Variants in GUCY2C observed in about 807,000 individuals in gnomAD.
The protein encoded by GUCY2C is guanylate cyclase 2C, also known as guanylyl cyclase C.
A neutral mutation model predicts 131.1 loss-of-function variants in GUCY2C; 118 were observed. The ratio of observed to expected loss-of-function variants is 0.90; its 90% CI spans 0.78 to 1.05. GUCY2C has a LOEUF of 1.05. GUCY2C is among the 50% of genes least tolerant of loss of function. The probability of loss-of-function intolerance (pLI) is 0.00; values close to 1 mark genes in which losing one functional copy is unlikely to be tolerated. For synonymous variants in GUCY2C, 452 were observed against 457.8 expected (o/e 0.99, Z 0.16); for missense variants, 1,161 against 1,304.4 (o/e 0.89, Z 1.69).
chr12:14,645,830 T>C (rs1307829690), intron 15 of GUCY2C, among the ~76,000 whole-genome samples: 1 of 151,234 alleles, frequency 6.6e-6, no homozygotes, highest in African/African-American at 2.4e-5. Flanking sequence ...TTTTCTTTGT[T>C]TTTTTTTGTT....
intron 21 of GUCY2C, among the ~76,000 whole-genome samples, chr12:14,625,536 T>C (rs1159374770): frequency 6.6e-6 from 1 of 152,100 alleles, no homozygotes; most frequent in Non-Finnish European, 1.5e-5. Flanking sequence ...GGTTTCACCA[T>C]GTTAGCCAGG....
intron 1 of GUCY2C, among the ~76,000 whole-genome samples, chr12:14,689,291 T>TG (rs1417878349): frequency 6.6e-6 from 1 of 152,070 alleles, no homozygotes; most frequent in African/African-American, 2.4e-5. Flanking sequence ...CCTGAGCAAG[T>TG]GGGTGAAGGG....
chr12:14,633,181 A>T (rs1240649991), intron 19 of GUCY2C, among the ~76,000 whole-genome samples: 1 of 152,200 alleles, frequency 6.6e-6, no homozygotes, highest in African/African-American at 2.4e-5. Context: ...AGGACAGCTT[A>T]TGCTGGCACC....
At chr12:14,677,028 C>T in intron 6 of GUCY2C, 57 bp from the exon 7 acceptor site, 1 of 542,328 alleles carries the variant, frequency 1.8e-6, no homozygotes, top group South Asian at 3.3e-5. Flanking sequence ...GATGCATCTT[C>T]TATAGTTCAC....
Position 14,643,662 on chromosome 12 carries a change from A to G in GUCY2C, c.1842T>C (p.Arg614=), listed in dbSNP as rs1273175007. Residue 614 remains arginine, a synonymous_variant, in exon 17 of 27, where the codon CGT becomes CGC. Transcript: ENST00000261170. ...LHSSKTEVHG[R]LKSTNCVVDS... ...CCACTACGCAGTTGGTAGATTTCAGACGACCATGGACTTCTGTCTTACTGG... is the reference window on the plus strand; with the variant it reads ...CCACTACGCAGTTGGTAGATTTCAGGCGACCATGGACTTCTGTCTTACTGG... The G allele has an allele frequency of 1.2e-6, 2 of 1,613,174 alleles. No homozygotes were observed. Among genetic ancestry groups the G allele is most frequent in the Non-Finnish European group, 1.7e-6 (2 of 1,179,106 alleles).
chr12:14,643,796 T>TCTGCTGAAA, intron 16 of GUCY2C, 90 bp from the exon 17 acceptor site: 1 of 1,127,110 alleles, frequency 8.9e-7, no homozygotes, highest in Non-Finnish European at 1.3e-6. Context: ...TTGGAAACCA[T>TCTGCTGAAA]TTCAGCAGAT....
intron 24 of GUCY2C, among the ~76,000 whole-genome samples, chr12:14,618,326 A>G (rs900489842): frequency 1.3e-5 from 2 of 150,216 alleles, no homozygotes; most frequent in Non-Finnish European, 1.5e-5. Flanking sequence ...CAGCCTAGAC[A>G]ACATAGAGAG....
rs76829072 is a variant in GUCY2C, at chr12:14,645,154, A to G, written c.1797+75T>C. 0.013 allele frequency: 10,454 copies of G among 801,446 alleles called. 170 individuals carry two copies. The highest frequency in any genetic ancestry group is 0.066 in the African/African-American group (3,863 of 58,308). The allele number at this position is 801,446 out of a possible 1,614,324, so 49.6% of individuals were successfully genotyped here. On this transcript the variant is annotated intron_variant, in intron 16 of 26. Transcript: ENST00000261170. ...TTTACAGATGAAGAAACCAATGCAC[A>G]GAAGGTTGAATAACTTGTTAGATCT...
At position 14,631,203 on chromosome 12, in the gene GUCY2C, T is replaced by C. The variant is rs529821948; in HGVS notation, c.2158-2466A>G. On this transcript the variant is annotated intron_variant, in intron 19 of 26. Transcript: ENST00000261170. ...ACAAGGAACAAAAGATGTTTTTGTT[T>C]AAAGATTATAAATGTCTTTTTTAAA... Among the ~76,000 whole-genome samples the C allele has an allele frequency of 2.0e-5, 3 of 152,340 alleles. No individual in the cohort carries two copies. In the South Asian group the frequency reaches 6.2e-4, roughly 32 times the overall value.
At chr12:14,665,410 A>T (rs944130350) in intron 10 of GUCY2C, among the ~76,000 whole-genome samples, 2 of 152,094 alleles carry the variant, frequency 1.3e-5, no homozygotes, top group African/African-American at 4.8e-5. Flanking sequence ...TGGGGAAGGG[A>T]TAGGTGAGTA....
chr12:14,616,849 C>T (rs2136971441), intron 24 of GUCY2C, 122 bp from the exon 25 acceptor site: 1 of 685,754 alleles, frequency 1.5e-6, no homozygotes, highest in Admixed American at 2.2e-5. Context: ...ACAATTGTGG[C>T]TATTTTAATG....
chr12:14,617,100 C>T (rs1035258359), intron 24 of GUCY2C, among the ~76,000 whole-genome samples: 1 of 152,166 alleles, frequency 6.6e-6, no homozygotes, highest in Non-Finnish European at 1.5e-5. Flanking sequence ...CTTTCTTACT[C>T]CTGCTTTTGC....
rs78999756 is a variant in GUCY2C at position 14,622,596 on chromosome 12, T to C, written c.2409-399A>G. Reference sequence around the variant, plus strand: ...AAGCTGAGGAGAGTGTGGTATTACTTAAATCACCACAGGTATCAGATCTGA... The same window carrying C: ...AAGCTGAGGAGAGTGTGGTATTACTCAAATCACCACAGGTATCAGATCTGA... On this transcript the variant is annotated intron_variant, in intron 21 of 26. Transcript: ENST00000261170. 8.0e-3 allele frequency among the ~76,000 whole-genome samples: 1,217 copies of C among 152,340 alleles called. 17 individuals are homozygous for C. Among genetic ancestry groups the C allele is most frequent in the African/African-American group, 0.027 (1,133 of 41,574 alleles).
chr12:14,647,547 A>T (rs1336829711), intron 15 of GUCY2C, among the ~76,000 whole-genome samples: 1 of 152,172 alleles, frequency 6.6e-6, no homozygotes, highest in Admixed American at 6.6e-5. Flanking sequence ...TTCAGCTTCC[A>T]AAAGTTTAAC....
At position 14,679,748 on chromosome 12, in the gene GUCY2C, T is replaced by G. The variant is rs1565632831; in HGVS notation, c.739A>C (p.Ile247Leu). Residue 247 changes from isoleucine (I) to leucine (L), a missense_variant, in exon 6 of 27, where the codon ATT becomes CTT. By Grantham distance (5) the Ile-to-Leu change is conservative. Transcript: ENST00000261170. ...AGGAACTCTGGACCACCACACATAA[T>G]AATCACTGGAGGAGAAGGTAAGACA... The part of the protein sequence containing the change: ...MDHNRKSNVI[I>L]MCGGPEFLYK... 1.3e-6 allele frequency: 2 copies of G among 1,541,940 alleles called. No homozygotes were observed. The highest frequency in any genetic ancestry group is 1.8e-6 in the Non-Finnish European group (2 of 1,114,244).
chr12:14,615,055 A>G (rs1022789051), intron 25 of GUCY2C, 112 bp from the exon 26 acceptor site: 8 of 558,394 alleles, frequency 1.4e-5, no homozygotes, highest in Middle Eastern at 6.1e-4. Flanking sequence ...CGCATTTCTC[A>G]TCAGTGCCAA....
In GUCY2C at chr12:14,619,218, A is replaced by G. The variant is rs374833047; in HGVS notation, c.2868T>C (p.Thr956=). 2.3e-5 allele frequency: 36 copies of G among 1,592,376 alleles called. No homozygotes were observed. Among genetic ancestry groups the G allele is most frequent in the Middle Eastern group, 1.7e-4 (1 of 6,042 alleles). ...TVNTASRMES[T]GLPLRIHVSG... is the part of the protein sequence containing the mutation. The stretch of plus-strand genomic sequence containing the variant: ...AACAGTCTCCCTTCTTACGGAGGCC[A>G]GTGGATTCCATCCTAGAGGCTGTGT... The change falls in exon 24 of 27, where the codon ACT becomes ACC. Residue 956 remains threonine (T), a synonymous_variant. Transcript: ENST00000261170.
At chr12:14,677,465 A>G (rs147598961) in intron 6 of GUCY2C, among the ~76,000 whole-genome samples, 1 of 152,324 alleles carries the variant, frequency 6.6e-6, no homozygotes, top group African/African-American at 2.4e-5. Flanking sequence ...TGATTCTTGT[A>G]TCCTCAACTC....
chr12:14,660,813 A>T (rs1947852433), intron 11 of GUCY2C, among the ~76,000 whole-genome samples, 168 bp downstream of exon 11: 1 of 152,192 alleles, frequency 6.6e-6, no homozygotes, highest in African/African-American at 2.4e-5. Context: ...TCACTCAATA[A>T]TATTCTGCCC....
Sources: gnomAD v4.1 joint callset for allele counts (sites outside exome capture counted in the v4.1 genomes callset) on GRCh38, gnomAD v4.1.1 for gene constraint, MANE v1.5 for transcripts, NCBI Gene and HGNC (gene_info 2026-07-23, HGNC 2026-07-21) for gene names.